The following HYDIN variants were observed in gnomAD, a reference collection of about 807,000 sequenced individuals.
HYDIN encodes HYDIN axonemal central pair apparatus protein.
Under a neutral mutation model 403.9 loss-of-function variants are expected in HYDIN, and 132 were observed. The observed-to-expected ratio is 0.33, with a 90% CI of 0.28 to 0.38. The LOEUF is 0.38. HYDIN is among the 10% of genes least tolerant of loss of function. HYDIN has a pLI of 1.00. For missense variants in HYDIN, 2,827 were observed against 5,009.5 expected, an observed-to-expected ratio of 0.56 and a Z score of 13.15; for synonymous variants, 1,202 against 1,891.7, an observed-to-expected ratio of 0.64 and a Z score of 9.46.
chr16:70,819,900 C>T (rs1483564723), intron 83 of HYDIN, among the ~76,000 whole-genome samples: 26 of 150,696 alleles, frequency 1.7e-4, no homozygotes, highest in Non-Finnish European at 2.8e-4. Context: ...CTCTGCCTCC[C>T]GGGTTCACGC....
intron 44 of HYDIN, 88 bp downstream of exon 44, chr16:70,938,526 T>C (rs932669307): frequency 1.5e-4 from 112 of 765,736 alleles, no homozygotes; most frequent in Admixed American, 2.1e-4. Context: ...GCCTGGAAGA[T>C]GGCTTGGGCT....
chr16:71,089,703 G>T (rs1242857076), intron 11 of HYDIN, among the ~76,000 whole-genome samples: 1 of 152,124 alleles, frequency 6.6e-6, no homozygotes, highest in Non-Finnish European at 1.5e-5. Context: ...AGAATCCAGA[G>T]GACAAATATT....
intron 14 of HYDIN, 31 bp downstream of exon 14, chr16:71,069,236 G>A (rs1429727038): frequency 1.9e-6 from 3 of 1,565,932 alleles, no homozygotes; most frequent in South Asian, 1.1e-5. Flanking sequence ...CAGCTGCTTA[G>A]CTGTGTGTGC....
intron 1 of HYDIN, among the ~76,000 whole-genome samples, chr16:71,224,459 A>C (rs1268180988): frequency 2.6e-5 from 4 of 152,144 alleles, no homozygotes; most frequent in African/African-American, 7.2e-5. Context: ...ATTTAAAAAG[A>C]GGCTGCTCAA....
chr16:71,183,260 G>A (rs1270496983), intron 3 of HYDIN, among the ~76,000 whole-genome samples: 1 of 151,880 alleles, frequency 6.6e-6, no homozygotes, highest in African/African-American at 2.4e-5. Context: ...GGGACACAGA[G>A]GATAGCCTAA....
At chr16:71,030,386 T>A (rs2080862474) in intron 19 of HYDIN, among the ~76,000 whole-genome samples, 1 of 151,786 alleles carries the variant, frequency 6.6e-6, no homozygotes, top group Admixed American at 6.6e-5. Flanking sequence ...TGTATACATA[T>A]ATATGTGTGT....
At chr16:70,881,500 T>G (rs1258591279) in intron 60 of HYDIN, among the ~76,000 whole-genome samples, 1 of 142,624 alleles carries the variant, frequency 7.0e-6, no homozygotes, top group Non-Finnish European at 1.5e-5. Context: ...CCCAGCTACT[T>G]GGGAGGCTGA....
At chr16:70,832,741 G>C (rs1453131765) in intron 80 of HYDIN, 107 bp downstream of exon 80, 1 of 759,772 alleles carries the variant, frequency 1.3e-6, no homozygotes, top group African/African-American at 1.7e-5. Context: ...GTATTCACAG[G>C]CCTCGTGGAG....
At chr16:70,939,492 G>A (rs2077603128) in intron 43 of HYDIN, among the ~76,000 whole-genome samples, 1 of 152,022 alleles carries the variant, frequency 6.6e-6, no homozygotes, top group Non-Finnish European at 1.5e-5. Flanking sequence ...GTAGCATACT[G>A]TCATACTACT....
intron 6 of HYDIN, among the ~76,000 whole-genome samples, chr16:71,156,825 A>G (rs1461317062): frequency 2.0e-5 from 3 of 151,508 alleles, no homozygotes; most frequent in African/African-American, 7.3e-5. Flanking sequence ...TCACCTTCCA[A>G]TGTTAATCCT....
intron 6 of HYDIN, among the ~76,000 whole-genome samples, chr16:71,153,865 T>G (rs1033037292): frequency 6.6e-6 from 1 of 152,174 alleles, no homozygotes; most frequent in Non-Finnish European, 1.5e-5. Context: ...AAGCTGGATC[T>G]GATGGTGAAA....
intron 11 of HYDIN, among the ~76,000 whole-genome samples, chr16:71,089,255 T>C (rs1177212474): frequency 6.6e-6 from 1 of 151,990 alleles, no homozygotes; most frequent in East Asian, 1.9e-4. Flanking sequence ...TGCACACTCG[T>C]GATATTAGGC....
intron 9 of HYDIN, among the ~76,000 whole-genome samples, chr16:71,120,890 A>G (rs1271508303): frequency 6.6e-6 from 1 of 152,230 alleles, no homozygotes; most frequent in Non-Finnish European, 1.5e-5. Context: ...ACTTACATTT[A>G]GAAGAATGAT....
chr16:71,200,560 A>C (rs1156376528), intron 1 of HYDIN, among the ~76,000 whole-genome samples: 1 of 152,084 alleles, frequency 6.6e-6, no homozygotes, highest in East Asian at 1.9e-4. Context: ...AATTCCTGTT[A>C]CCTGAGATGG....
At chr16:71,084,621 T>A (rs2144353469) in intron 12 of HYDIN, among the ~76,000 whole-genome samples, 1 of 146,340 alleles carries the variant, frequency 6.8e-6, no homozygotes, top group East Asian at 2.1e-4. Flanking sequence ...ACTCCTGGCC[T>A]CAGGTAATCT....
chr16:71,041,838 A>G (rs1597621750), intron 18 of HYDIN, among the ~76,000 whole-genome samples: 1 of 152,124 alleles, frequency 6.6e-6, no homozygotes, highest in Non-Finnish European at 1.5e-5. Flanking sequence ...CTCAACTTAA[A>G]AGGATATGGT....
In HYDIN at chr16:71,175,700, G is replaced by A; in HGVS notation, c.423C>T (p.Tyr141=). 6.2e-7 allele frequency: 1 copy of A among 1,614,170 alleles called. No homozygotes were observed. The highest frequency in any genetic ancestry group is 2.2e-5 in the East Asian group (1 of 44,886). The change falls in exon 5 of 86, where the codon TAC becomes TAT. Residue 141 remains tyrosine, a synonymous_variant. Transcript: ENST00000393567. Reference sequence around the variant, plus strand: ...TATCTTTGGGGCTGATTACTTTAAAGTAAGGCGAACTTTCTTCCACAACTT... The same window carrying A: ...TATCTTTGGGGCTGATTACTTTAAAATAAGGCGAACTTTCTTCCACAACTT... ...LVKVVEESSP[Y]FKVISPKDIG... is the part of the protein sequence containing the mutation.
At chr16:71,068,702 G>C (rs1193014145) in intron 14 of HYDIN, among the ~76,000 whole-genome samples, 5 of 152,220 alleles carry the variant, frequency 3.3e-5, no homozygotes, top group Non-Finnish European at 7.3e-5. Flanking sequence ...GCACTATCCT[G>C]ATTGCAGACA....
At position 71,146,540 on chromosome 16, in the gene HYDIN, A is replaced by G. The variant is rs200659055; in HGVS notation, c.841+6119T>C. On this transcript the variant is annotated intron_variant, in intron 7 of 85. Coordinates refer to ENST00000393567, the MANE Select transcript of HYDIN (RefSeq NM_001270974.2). ...ACTTAATAGTCAAACAGGAGGTTCA[A>G]ATATATCTATAATTGCATTTAACAT... Among the ~76,000 whole-genome samples the G allele has an allele frequency of 5.8e-3, 406 of 69,534 alleles. 1 individual carries two copies. The highest frequency in any genetic ancestry group is 0.024 in the Admixed American group (127 of 5,390). The allele number at this position is 69,534 out of a possible 152,430, so 45.6% of individuals were successfully genotyped here.
Sources: gnomAD v4.1 joint callset for allele counts (sites outside exome capture counted in the v4.1 genomes callset) on GRCh38, gnomAD v4.1.1 for gene constraint, MANE v1.5 for transcripts, NCBI Gene and HGNC (gene_info 2026-07-23, HGNC 2026-07-21) for gene names.